Variants in FLRT1 observed in about 807,000 individuals in gnomAD.
FLRT1 encodes the protein fibronectin leucine rich transmembrane protein 1.
Under a neutral mutation model 30.9 loss-of-function variants are expected in FLRT1, and 14 were observed. That is an observed-to-expected ratio of 0.45 (90% CI 0.30 to 0.71). The LOEUF (loss-of-function observed/expected upper bound fraction) is 0.71. Among genes scored for constraint, FLRT1 ranks in the 30% least tolerant of loss-of-function variants. FLRT1 has a pLI of 0.08. For synonymous variants in FLRT1, 368 were observed against 430.4 expected, an observed-to-expected ratio of 0.85 and a Z score of 1.80; for missense variants, 737 against 949.2, an observed-to-expected ratio of 0.78 and a Z score of 2.94.
At chr11:64,114,051 G>A (rs1303326082) in intron 2 of FLRT1, among the ~76,000 whole-genome samples, 1 of 132,332 alleles carries the variant, frequency 7.6e-6, no homozygotes, top group Non-Finnish European at 1.6e-5. Flanking sequence ...TGCATGGGTT[G>A]ATGCATGGAT....
intron 1 of FLRT1, among the ~76,000 whole-genome samples, chr11:64,046,503 G>A (rs1315625388): frequency 6.6e-6 from 1 of 152,184 alleles, no homozygotes; most frequent in African/African-American, 2.4e-5. Flanking sequence ...CTGGGACCCT[G>A]CGCTGTGCTC....
chr11:64,095,146 A>AACG (rs1294813215), intron 1 of FLRT1, among the ~76,000 whole-genome samples: 1 of 152,232 alleles, frequency 6.6e-6, no homozygotes, highest in Non-Finnish European at 1.5e-5. Flanking sequence ...ATGGGGAAGG[A>AACG]ACGACATTCC....
At chr11:64,052,697 G>T (rs769497961) in intron 1 of FLRT1, among the ~76,000 whole-genome samples, 1 of 152,198 alleles carries the variant, frequency 6.6e-6, no homozygotes, top group Admixed American at 6.5e-5. Flanking sequence ...AGGAAATGGC[G>T]CTTAGAGAAG....
At chr11:64,084,364 C>G (rs899897087) in intron 1 of FLRT1, among the ~76,000 whole-genome samples, 7 of 152,172 alleles carry the variant, frequency 4.6e-5, no homozygotes, top group Admixed American at 6.5e-5. Flanking sequence ...ACGTGCTCTG[C>G]CCACGTGCAT....
chr11:64,071,065 C>T (rs1024161716), intron 1 of FLRT1, among the ~76,000 whole-genome samples: 1 of 152,158 alleles, frequency 6.6e-6, no homozygotes, highest in Non-Finnish European at 1.5e-5. Flanking sequence ...CTGTTGGGGA[C>T]ACCAGGCCTT....
At chr11:64,042,851 T>C (rs1590829177) in intron 1 of FLRT1, among the ~76,000 whole-genome samples, 1 of 152,094 alleles carries the variant, frequency 6.6e-6, no homozygotes, top group African/African-American at 2.4e-5. Context: ...AGGGGCTGGG[T>C]AGTGCCACAC....
intron 1 of FLRT1, among the ~76,000 whole-genome samples, chr11:64,048,880 G>A (rs956078679): frequency 9.9e-5 from 15 of 152,226 alleles, no homozygotes; most frequent in Admixed American, 5.2e-4. Context: ...ACCCAAAGCC[G>A]CCCTTGCCCT....
chr11:64,091,511 G>C (rs1944490133), intron 1 of FLRT1, among the ~76,000 whole-genome samples: 1 of 151,616 alleles, frequency 6.6e-6, no homozygotes, highest in Non-Finnish European at 1.5e-5. Context: ...GGTTGGGGTT[G>C]GTGGGTTACA....
intron 1 of FLRT1, among the ~76,000 whole-genome samples, chr11:64,048,327 A>G (rs1943625039): frequency 6.6e-6 from 1 of 152,244 alleles, no homozygotes; most frequent in Non-Finnish European, 1.5e-5. Context: ...CCTTTGTGCC[A>G]GTGCACTGTC....
rs1473803175 is a variant in FLRT1 at position 64,103,812 on chromosome 11, A to AG, written c.-415dup. 6.6e-6 allele frequency: 1 copy of AG among 152,132 alleles called. No individual in the cohort carries two copies. Among genetic ancestry groups the AG allele is most frequent in the Non-Finnish European group, 1.5e-5 (1 of 68,046 alleles). The allele number at this position is 152,132 out of a possible 1,614,324, so 9.4% of individuals were successfully genotyped here. A position where few individuals can be genotyped will look rare whatever the true frequency, so the allele number is the denominator to read the frequency against. ...CACCCTCGGGAGTCCTGGGGTCCAGAGGGGTGTCCCTGTACCCCTTGCACA... is the reference window on the plus strand; with the variant it reads ...CACCCTCGGGAGTCCTGGGGTCCAGAGGGGGTGTCCCTGTACCCCTTGCACA... On this transcript the variant is annotated 5_prime_UTR_variant, in exon 2 of 3. It introduces an in-frame stop codon into an upstream open reading frame of the 5' UTR. Transcript: ENST00000682287.
chr11:64,083,115 A>G lies in FLRT1; in HGVS notation c.-1037-20079A>G, dbSNP rs574009918. On this transcript the variant is annotated intron_variant, in intron 1 of 2. Coordinates refer to ENST00000682287, the MANE Select transcript of FLRT1 (RefSeq NM_013280.5). ...GGGGGGCAAAGTGACTCCACAGGCC[A>G]AAGATGAATGAGTAAACAGCAGTAT... 5 of 152,424 alleles carry G rather than the reference A, an allele frequency of 3.3e-5. No individual in the cohort carries two copies. The East Asian group carries it at 5.8e-4, about 18-fold the overall frequency. The allele number at this position is 152,424 out of a possible 1,614,324, so 9.4% of individuals were successfully genotyped here.
At position 64,043,309 on chromosome 11, in the gene FLRT1, G is replaced by A. The variant is rs1943523424; in HGVS notation, c.-1038+7150G>A. On this transcript the variant is annotated intron_variant, in intron 1 of 2. Transcript: ENST00000682287. ...CTGAGGAGCTCAGGGGCTGGAGAGG[G>A]GCTGTACAGGCTAGCTTTCCGCCCT... 2.0e-5 allele frequency among the ~76,000 whole-genome samples: 3 copies of A among 152,220 alleles called. No homozygotes were observed. In the South Asian group the frequency reaches 6.2e-4, roughly 31 times the overall value.
intron 1 of FLRT1, among the ~76,000 whole-genome samples, chr11:64,053,536 C>T (rs1422576255): frequency 6.6e-6 from 1 of 152,096 alleles, no homozygotes; most frequent in Non-Finnish European, 1.5e-5. Context: ...TGGTCTGAGG[C>T]TGTAGGGACA....
rs560097585 is a variant in FLRT1 at position 64,057,075 on chromosome 11, G to A, written c.-1038+20916G>A. 3.2e-4 allele frequency among the ~76,000 whole-genome samples: 48 copies of A among 152,314 alleles called. 1 individual carries two copies. The highest frequency in any genetic ancestry group is 8.7e-4 in the African/African-American group (36 of 41,572). ...CAGGCCTCCCTGCAGGCCAGCCTGC[G>A]TCGCACCAGCTCTCACGAAACAGGG... is the stretch of plus-strand genomic sequence containing the variant. On this transcript the variant is annotated intron_variant, in intron 1 of 2. Transcript: ENST00000682287.
intron 1 of FLRT1, among the ~76,000 whole-genome samples, chr11:64,047,053 T>A (rs899732361): frequency 2.0e-5 from 3 of 151,638 alleles, no homozygotes; most frequent in African/African-American, 4.9e-5. Flanking sequence ...CCCCCCCGGC[T>A]AGCATGCTCA....
At chr11:64,093,563 C>T (rs1433949965) in intron 1 of FLRT1, among the ~76,000 whole-genome samples, 1 of 152,180 alleles carries the variant, frequency 6.6e-6, no homozygotes, top group Non-Finnish European at 1.5e-5. Context: ...TAACTCCATC[C>T]CTCCCAGTCC....
chr11:64,053,063 G>A (rs773985247), intron 1 of FLRT1, among the ~76,000 whole-genome samples: 5 of 152,218 alleles, frequency 3.3e-5, no homozygotes. Flanking sequence ...GCCTCCGAAT[G>A]TGGGGCTTCT....
chr11:64,068,082 A>G (rs1427712389), intron 1 of FLRT1, among the ~76,000 whole-genome samples: 1 of 152,236 alleles, frequency 6.6e-6, no homozygotes, highest in Non-Finnish European at 1.5e-5. Context: ...CTCAAACCGG[A>G]GCCGGGCGAA....
intron 1 of FLRT1, among the ~76,000 whole-genome samples, chr11:64,080,397 C>T (rs996370078): frequency 6.6e-6 from 1 of 152,196 alleles, no homozygotes; most frequent in African/African-American, 2.4e-5. Context: ...ACCCCTTCAA[C>T]GTGTAGAATT....
Sources: allele counts gnomAD v4.1 joint callset (sites outside exome capture counted in the v4.1 genomes callset), GRCh38; gene constraint gnomAD v4.1.1; transcripts MANE v1.5; gene names NCBI Gene and HGNC (gene_info 2026-07-23, HGNC 2026-07-21).